STK31: variants seen among roughly 807,000 people sequenced by gnomAD.
The protein encoded by STK31 is serine/threonine kinase 31, also known as serine/threonine-protein kinase 31.
STK31 carries 89 observed loss-of-function variants against 129.7 expected under a neutral mutation model. That is an observed-to-expected ratio of 0.69 (90% CI 0.58 to 0.82). The LOEUF (loss-of-function observed/expected upper bound fraction) is 0.82, where lower values mean the gene tolerates loss of function less well. Among genes scored for constraint, STK31 ranks in the 40% least tolerant of loss-of-function variants. STK31 has a pLI of 0.00. For synonymous variants in STK31, 448 were observed against 395.3 expected (o/e 1.13, Z -1.58); for missense variants, 1,187 against 1,176.4 (o/e 1.01, Z -0.13).
chr7:23,806,674 G>T (rs1792723933), intron 22 of STK31, among the ~76,000 whole-genome samples: 1 of 152,096 alleles, frequency 6.6e-6, no homozygotes. Context: ...GCCGAGGCGG[G>T]TGGATCACGA....
intron 22 of STK31, among the ~76,000 whole-genome samples, chr7:23,803,754 A>G (rs1228016140): frequency 1.3e-5 from 2 of 152,156 alleles, no homozygotes; most frequent in African/African-American, 4.8e-5. Context: ...GCCCTTAAGT[A>G]GGCCCCGTGT....
intron 22 of STK31, 28 bp downstream of exon 22, chr7:23,790,974 C>A: frequency 6.9e-7 from 1 of 1,441,076 alleles, no homozygotes; most frequent in Non-Finnish European, 9.2e-7. Context: ...TGAAATAGAT[C>A]ATATATATAT....
upstream of STK31, chr7:23,710,155 G>A (rs1280868709): frequency 3.3e-6 from 5 of 1,523,626 alleles, no homozygotes; most frequent in South Asian, 5.9e-5. Context: ...TGGCTGCCAC[G>A]TGACTCCCGC....
intron 22 of STK31, among the ~76,000 whole-genome samples, chr7:23,800,746 TA>T (rs1027013058): frequency 7.3e-5 from 11 of 151,484 alleles, no homozygotes; most frequent in African/African-American, 2.4e-4. Context: ...TTAAAGTATA[TA>T]AAAAAAAGAA....
intron 17 of STK31, 25 bp downstream of exon 17, chr7:23,783,688 T>A: frequency 1.3e-6 from 2 of 1,566,234 alleles, no homozygotes; most frequent in South Asian, 2.3e-5. Context: ...CCTTGCGAAT[T>A]ACTACTCTTC....
intron 8 of STK31, among the ~76,000 whole-genome samples, chr7:23,747,443 C>G (rs62468634): frequency 0.24 from 36,602 of 151,896 alleles, 4,880 homozygotes; most frequent in East Asian, 0.39. Context: ...GATGTCTGCT[C>G]ACTGCAAGCC....
Position 23,721,470 on chromosome 7 carries a change from C to T in STK31, c.249+3891C>T, listed in dbSNP as rs557081541. 137 of 1,074,310 alleles carry T rather than the reference C, an allele frequency of 1.3e-4. No homozygotes were observed. The African/African-American group carries it at 2.0e-3, about 16-fold the overall frequency. The allele number at this position is 1,074,310 out of a possible 1,614,324, so 66.5% of individuals were successfully genotyped here. A position where few individuals can be genotyped will look rare whatever the true frequency, so the allele number is the denominator to read the frequency against. ...TTATCTTCCATTTTTTCATCCTCCT[C>T]TCTGTCCAGAGGCTGAGGAATAAGC... On this transcript the variant is annotated intron_variant, in intron 4 of 23. Transcript: ENST00000355870.
chr7:23,769,428 A>G (rs1790043504), intron 12 of STK31, among the ~76,000 whole-genome samples: 1 of 151,834 alleles, frequency 6.6e-6, no homozygotes, highest in Non-Finnish European at 1.5e-5. Flanking sequence ...TCCTCTTTTA[A>G]CCATTTATTT....
intron 17 of STK31, among the ~76,000 whole-genome samples, chr7:23,784,989 A>T (rs1244291654): frequency 6.6e-6 from 1 of 151,960 alleles, no homozygotes; most frequent in Non-Finnish European, 1.5e-5. Context: ...TTTTTTTACA[A>T]ATGTTTATTT....
At position 23,814,146 on chromosome 7, in the gene STK31, CTTAT is replaced by C. The variant is rs1354312831; in HGVS notation, c.2761-995_2761-992del. 1.6e-3 allele frequency among the ~76,000 whole-genome samples: 161 copies of C among 98,942 alleles called. 25 individuals are homozygous for C. The highest frequency in any genetic ancestry group is 7.1e-3 in the African/African-American group (156 of 22,120). The allele number at this position is 98,942 out of a possible 152,430, so 64.9% of individuals were successfully genotyped here. On this transcript the variant is annotated intron_variant, in intron 22 of 23. Transcript: ENST00000355870. ...GTTGGGAAACATCAGATCTGGCTCA[CTTAT>C]TTTTTTTTTTTTTTCAGTTGGGAGG...
chr7:23,718,851 C>T (rs1022953449), intron 4 of STK31, among the ~76,000 whole-genome samples: 3 of 152,042 alleles, frequency 2.0e-5, no homozygotes, highest in Non-Finnish European at 4.4e-5. Context: ...ATTTCTTTTG[C>T]ACATATATCT....
At chr7:23,719,698 C>A (rs1786571486) in intron 4 of STK31, among the ~76,000 whole-genome samples, 2 of 152,076 alleles carry the variant, frequency 1.3e-5, no homozygotes, top group African/African-American at 4.8e-5. Flanking sequence ...CAGATACCTT[C>A]CATGAAAGTA....
At chr7:23,810,389 A>C (rs1793011647) in intron 22 of STK31, among the ~76,000 whole-genome samples, 1 of 150,902 alleles carries the variant, frequency 6.6e-6, no homozygotes, top group East Asian at 1.9e-4. Flanking sequence ...GGCCATTTAC[A>C]TTTAGGGTAA....
intron 22 of STK31, among the ~76,000 whole-genome samples, chr7:23,810,320 A>ATAGT (rs2128124946): frequency 6.6e-6 from 1 of 151,864 alleles, no homozygotes. Flanking sequence ...TAAATAACAT[A>ATAGT]TAGTTGCATT....
intron 15 of STK31, among the ~76,000 whole-genome samples, chr7:23,772,727 T>G (rs1790280415): frequency 6.6e-6 from 1 of 152,154 alleles, no homozygotes; most frequent in African/African-American, 2.4e-5. Context: ...GCAAGTATTT[T>G]AAGTTGCTTT....
At chr7:23,780,224 A>G (rs1013486847) in intron 15 of STK31, among the ~76,000 whole-genome samples, 1 of 151,950 alleles carries the variant, frequency 6.6e-6, no homozygotes, top group African/African-American at 2.4e-5. Context: ...AAATGCAGAA[A>G]TCACTCACCT....
rs201573868 is a variant in STK31 at position 23,735,706 on chromosome 7, A to G, written c.652A>G (p.Thr218Ala). Residue 218 changes from threonine to alanine, a missense_variant, in exon 7 of 24, where the codon ACT becomes GCT. By Grantham distance (58) the Thr-to-Ala change is moderately conservative. Around this residue, in one of 5 missense-constraint regions of STK31, gnomAD observed 975 missense variants for 934.9 expected, o/e 1.04. Coordinates refer to ENST00000355870, the MANE Select transcript of STK31 (RefSeq NM_031414.5). ...AGAGAAATGCAGACTTGCTTCCAGA[A>G]CTGACATCTGTGAGGAAAAAAAATT... ...FAEKCRLASRTDICEEKKLDP... is the reference protein window; with the variant it reads ...FAEKCRLASRADICEEKKLDP... 2.7e-5 allele frequency: 44 copies of G among 1,614,050 alleles called. 1 individual carries two copies. In the East Asian group the frequency reaches 8.5e-4, roughly 31 times the overall value.
intron 11 of STK31, 59 bp from the exon 12 acceptor site, chr7:23,768,936 G>A: frequency 1.4e-6 from 2 of 1,410,600 alleles, no homozygotes; most frequent in South Asian, 1.7e-5. Context: ...TCCTAACACA[G>A]TGCTCGAATC....
At chr7:23,717,699 G>A in intron 4 of STK31, 120 bp downstream of exon 4, 2 of 686,256 alleles carry the variant, frequency 2.9e-6, no homozygotes. Flanking sequence ...TTTGGAATTT[G>A]TATAAACTAC....
Sources: gnomAD v4.1 joint callset for allele counts (sites outside exome capture counted in the v4.1 genomes callset) on GRCh38, gnomAD v4.1.1 for gene constraint, gnomAD v4.1.1 regional missense constraint, MANE v1.5 for transcripts, NCBI Gene and HGNC (gene_info 2026-07-23, HGNC 2026-07-21) for gene names.